Variants in BLK observed in about 807,000 individuals in gnomAD.
BLK encodes the protein tyrosine-protein kinase Blk.
BLK carries 64 observed loss-of-function variants against 61.8 expected under a neutral mutation model. The observed-to-expected ratio is 1.03, with a 90% CI of 0.85 to 1.27. BLK has a LOEUF of 1.27. Ranked by LOEUF, BLK falls within the 50% of genes most tolerant of loss-of-function variation. BLK has a pLI of 0.00. For synonymous variants in BLK, 351 were observed against 272.0 expected (o/e 1.29, Z -2.86); for missense variants, 853 against 660.5 (o/e 1.29, Z -3.19).
At chr8:11,510,982 C>G (rs562793655) in intron 1 of BLK, among the ~76,000 whole-genome samples, 1 of 152,090 alleles carries the variant, frequency 6.6e-6, no homozygotes, top group East Asian at 1.9e-4. Flanking sequence ...CATGGATCCC[C>G]GTAAGCTTTG....
chr8:11,561,228 G>T, intron 10 of BLK, 74 bp from the exon 11 acceptor site: 1 of 1,557,240 alleles, frequency 6.4e-7, no homozygotes, highest in South Asian at 1.2e-5. Context: ...GGGGCTGTGC[G>T]GGGGACACAG....
chr8:11,553,276 T>C (rs1298630716), intron 6 of BLK: 2 of 308,028 alleles, frequency 6.5e-6, no homozygotes, highest in Admixed American at 3.9e-5. Flanking sequence ...GAGGATAGAC[T>C]AGTTTCACAG....
intron 1 of BLK, among the ~76,000 whole-genome samples, chr8:11,529,252 A>G (rs1563443884): frequency 6.6e-6 from 1 of 152,232 alleles, no homozygotes; most frequent in Non-Finnish European, 1.5e-5. Context: ...ACACAGAGCC[A>G]GCTGTGTGGA....
At chr8:11,514,982 A>C (rs967484507) in intron 1 of BLK, among the ~76,000 whole-genome samples, 4 of 152,076 alleles carry the variant, frequency 2.6e-5, no homozygotes, top group African/African-American at 9.7e-5. Context: ...AGGCACGCAC[A>C]TGACTTTCAC....
intron 10 of BLK, 181 bp from the exon 11 acceptor site, chr8:11,561,121 G>C (rs912831088): frequency 2.3e-6 from 2 of 886,986 alleles, no homozygotes; most frequent in Admixed American, 2.0e-5. Context: ...CTGCGTTGCT[G>C]TTCTGGGCTT....
At chr8:11,501,355 C>CT (rs34735987) in intron 1 of BLK, among the ~76,000 whole-genome samples, 3,149 of 145,468 alleles carry the variant, frequency 0.022, 108 homozygotes, top group African/African-American at 0.077. Context: ...AACTCTCTCT[C>CT]TTTTTTTTTT....
intron 1 of BLK, among the ~76,000 whole-genome samples, chr8:11,528,210 T>C (rs2117365187): frequency 6.6e-6 from 1 of 152,276 alleles, no homozygotes; most frequent in South Asian, 2.1e-4. Flanking sequence ...CTAATTTTTG[T>C]ATTTTTTGTA....
chr8:11,550,303 T>A (rs773415274), intron 6 of BLK, 41 bp downstream of exon 6: 1 of 1,594,666 alleles, frequency 6.3e-7, no homozygotes, highest in East Asian at 2.2e-5. Context: ...GCCCTGCTCC[T>A]CCCGGGAAGG....
chr8:11,551,196 G>A (rs1445993099), intron 6 of BLK, among the ~76,000 whole-genome samples: 1 of 152,176 alleles, frequency 6.6e-6, no homozygotes, highest in African/African-American at 2.4e-5. Context: ...TTCTATGTTA[G>A]TTTCCTGGGC....
chr8:11,524,671 G>A (rs1456289191), intron 1 of BLK, among the ~76,000 whole-genome samples: 1 of 152,114 alleles, frequency 6.6e-6, no homozygotes, highest in Non-Finnish European at 1.5e-5. Flanking sequence ...AAAGAGAAAG[G>A]GCATGAGCAA....
At chr8:11,526,026 G>A (rs188919698) in intron 1 of BLK, among the ~76,000 whole-genome samples, 33 of 152,292 alleles carry the variant, frequency 2.2e-4, no homozygotes, top group African/African-American at 7.5e-4. Context: ...GCCCGCCTCG[G>A]CCTCCCAAAG....
intron 1 of BLK, among the ~76,000 whole-genome samples, chr8:11,511,432 T>C (rs1385440370): frequency 1.6e-5 from 1 of 63,720 alleles, no homozygotes; most frequent in East Asian, 3.6e-4. Flanking sequence ...ACCCTAAAAC[T>C]TAAAGTATTA....
At chr8:11,506,850 G>A (rs1231156555) in intron 1 of BLK, among the ~76,000 whole-genome samples, 1 of 152,196 alleles carries the variant, frequency 6.6e-6, no homozygotes, top group Non-Finnish European at 1.5e-5. Context: ...CTCTCAGGGA[G>A]GCCACTTGAG....
At chr8:11,552,416 A>C (rs1800947694) in intron 6 of BLK, 1 of 152,236 alleles carries the variant, frequency 6.6e-6, no homozygotes, top group African/African-American at 2.4e-5. Context: ...ATTTATATTC[A>C]TATTGGATAT....
At chr8:11,539,164 T>A (rs2117421591) in intron 1 of BLK, among the ~76,000 whole-genome samples, 1 of 152,202 alleles carries the variant, frequency 6.6e-6, no homozygotes, top group South Asian at 2.1e-4. Context: ...CAACTTGGTG[T>A]TCATCCTCCC....
chr8:11,526,020 G>T (rs748796537), intron 1 of BLK, among the ~76,000 whole-genome samples: 1 of 152,172 alleles, frequency 6.6e-6, no homozygotes, highest in Non-Finnish European at 1.5e-5. Flanking sequence ...TGATCTGCCC[G>T]CCTCGGCCTC....
At chr8:11,545,769 C>T in intron 2 of BLK, 2 of 485,952 alleles carry the variant, frequency 4.1e-6, no homozygotes, top group East Asian at 3.4e-5. Flanking sequence ...ATGTTAAGCC[C>T]AAGTGGTTGG....
chr8:11,558,702 G>C (rs1421331925), intron 10 of BLK: 1 of 456,222 alleles, frequency 2.2e-6, no homozygotes, highest in African/African-American at 2.0e-5. Context: ...TGGAGAGGAG[G>C]GTTTTAGCCG....
At chr8:11,551,894 G>A (rs1033196356) in intron 6 of BLK, among the ~76,000 whole-genome samples, 1 of 152,160 alleles carries the variant, frequency 6.6e-6, no homozygotes, top group African/African-American at 2.4e-5. Flanking sequence ...CTAAGAGGCT[G>A]AGAGGCTTCC....
Sources: allele counts gnomAD v4.1 joint callset (sites outside exome capture counted in the v4.1 genomes callset), GRCh38; gene constraint gnomAD v4.1.1; transcripts MANE v1.5; gene names NCBI Gene and HGNC (gene_info 2026-07-23, HGNC 2026-07-21).